ZNF329: variants seen among roughly 807,000 people sequenced by gnomAD.
ZNF329 encodes zinc finger protein 329.
A neutral mutation model predicts 26.6 loss-of-function variants in ZNF329; 15 were observed. The observed-to-expected ratio is 0.56, with a 90% CI of 0.38 to 0.87. The LOEUF (loss-of-function observed/expected upper bound fraction) is 0.87. Ranked by LOEUF, ZNF329 falls within the 40% of genes least tolerant of loss-of-function variation. The pLI, the probability that ZNF329 is intolerant of heterozygous loss-of-function variation, is 0.00. For synonymous variants in ZNF329, 239 were observed against 233.5 expected (o/e 1.02, Z -0.21); for missense variants, 651 against 651.9 (o/e 1.00, Z 0.02).
intron 1 of ZNF329, among the ~76,000 whole-genome samples, chr19:58,150,066 C>T (rs2075415128): frequency 6.6e-6 from 1 of 152,162 alleles, no homozygotes; most frequent in African/African-American, 2.4e-5. Flanking sequence ...TTCAGCTTCT[C>T]TATCTAAACC....
intron 1 of ZNF329, among the ~76,000 whole-genome samples, chr19:58,147,223 A>G (rs1333706100): frequency 6.8e-6 from 1 of 147,052 alleles, no homozygotes; most frequent in Non-Finnish European, 1.5e-5. Flanking sequence ...GGAGGTGAGG[A>G]GCGTCTCTGC....
In ZNF329 at chr19:58,147,737, G is replaced by A. The variant is rs565405659; in HGVS notation, c.-208+3015C>T. On this transcript the variant is annotated intron_variant, in intron 1 of 3. Coordinates refer to ENST00000598312, the MANE Select transcript of ZNF329 (RefSeq NM_024620.4). ...CCACTGGGAAGTGAGGAGACCCTCTGCCCGGCCAGCCGCCCCGTCCGGGAG... is the reference window on the plus strand; with the variant it reads ...CCACTGGGAAGTGAGGAGACCCTCTACCCGGCCAGCCGCCCCGTCCGGGAG... 5.2e-4 allele frequency among the ~76,000 whole-genome samples: 74 copies of A among 142,046 alleles called. 2 individuals carry two copies. The highest frequency in any genetic ancestry group is 9.8e-4 in the Non-Finnish European group (65 of 66,414). 93.2% of individuals were successfully genotyped at this position (142,046 alleles called of 152,430 possible).
chr19:58,150,995 C>T (rs1409230194), upstream of ZNF329, among the ~76,000 whole-genome samples: 1 of 152,242 alleles, frequency 6.6e-6, no homozygotes, highest in African/African-American at 2.4e-5. Context: ...TAGAGCCTTC[C>T]TTTTATTTAC....
chr19:58,154,723 G>T (rs2075515895), upstream of ZNF329: 1 of 152,252 alleles, frequency 6.6e-6, no homozygotes, highest in African/African-American at 2.4e-5. Flanking sequence ...GGCGGAGGTC[G>T]GGGGCCGTCA....
chr19:58,127,793 C>T lies in ZNF329; in HGVS notation c.*85G>A. The T allele has an allele frequency of 2.3e-6, 3 of 1,290,818 alleles. No homozygotes were observed. The highest frequency in any genetic ancestry group is 2.3e-5 in the Admixed American group (1 of 43,854). 80.0% of individuals were successfully genotyped at this position (1,290,818 alleles called of 1,614,324 possible). The stretch of plus-strand genomic sequence containing the variant: ...GGATAGCTTAAAGGATTCTTTTCTA[C>T]TGACCAGAGAGGAGTCAGATCTAAG... On this transcript the variant is annotated 3_prime_UTR_variant, in exon 4 of 4. Transcript: ENST00000598312.
At chr19:58,133,582 A>T (rs1010715500) in intron 3 of ZNF329, among the ~76,000 whole-genome samples, 10 of 152,168 alleles carry the variant, frequency 6.6e-5, no homozygotes, top group African/African-American at 2.4e-4. Flanking sequence ...TCAAAAAAAA[A>T]AAAAATTCAG....
At chr19:58,144,292 A>G (rs919855628) in intron 1 of ZNF329, among the ~76,000 whole-genome samples, 4 of 151,262 alleles carry the variant, frequency 2.6e-5, no homozygotes, top group Admixed American at 1.3e-4. Context: ...CTCTTGCCTC[A>G]GCCTCCTGAG....
At chr19:58,137,809 CAAAAAA>C (rs72295173) in intron 3 of ZNF329, among the ~76,000 whole-genome samples, 6 of 76,260 alleles carry the variant, frequency 7.9e-5, no homozygotes, top group African/African-American at 2.5e-4. Flanking sequence ...ACAAAAAATA[CAAAAAA>C]AAAAAAAAAA....
intron 1 of ZNF329, among the ~76,000 whole-genome samples, 184 bp from the exon 2 acceptor site, chr19:58,143,382 T>A (rs1440886889): frequency 1.3e-5 from 2 of 152,120 alleles, no homozygotes; most frequent in African/African-American, 2.4e-5. Flanking sequence ...GTAAAAGCAA[T>A]GCCTTCCAAG....
chr19:58,144,450 C>T (rs142677013), intron 1 of ZNF329, among the ~76,000 whole-genome samples: 3,366 of 145,842 alleles, frequency 0.023, 67 homozygotes, highest in Non-Finnish European at 0.033. Flanking sequence ...TGCAGTGGCG[C>T]GATCTCGGCT....
intron 3 of ZNF329, among the ~76,000 whole-genome samples, chr19:58,130,599 G>A (rs914273515): frequency 4.6e-5 from 7 of 151,418 alleles, no homozygotes; most frequent in Non-Finnish European, 8.8e-5. Context: ...GCGCGAACCC[G>A]GGAGGCGGAG....
Position 58,126,476 on chromosome 19 carries a change from G to C in ZNF329, c.*1402C>G, listed in dbSNP as rs2074803632. Reference sequence around the variant, plus strand: ...GCCATATTATAAACATTTTCAACATGGCAATAAAACCTTTATAATGGTTCA... The same window carrying C: ...GCCATATTATAAACATTTTCAACATCGCAATAAAACCTTTATAATGGTTCA... On this transcript the variant is annotated 3_prime_UTR_variant, in exon 4 of 4. Coordinates refer to ENST00000598312, the MANE Select transcript of ZNF329 (RefSeq NM_024620.4). 6.6e-6 allele frequency: 1 copy of C among 152,068 alleles called. No homozygotes were observed. The highest frequency in any genetic ancestry group is 1.5e-5 in the Non-Finnish European group (1 of 68,016). The allele number at this position is 152,068 out of a possible 1,614,324, so 9.4% of individuals were successfully genotyped here.
chr19:58,133,777 T>A (rs904565903), intron 3 of ZNF329, among the ~76,000 whole-genome samples: 4 of 151,622 alleles, frequency 2.6e-5, no homozygotes, highest in Non-Finnish European at 5.9e-5. Flanking sequence ...GGTGGGGGGA[T>A]CACTTGAGCC....
intron 1 of ZNF329, among the ~76,000 whole-genome samples, chr19:58,146,169 TG>T (rs2075304896): frequency 6.6e-6 from 1 of 152,114 alleles, no homozygotes; most frequent in Non-Finnish European, 1.5e-5. Flanking sequence ...ACAGGAATTC[TG>T]TATCAATAAT....
At position 58,128,858 on chromosome 19, in the gene ZNF329, A is replaced by T. The variant is rs770398279; in HGVS notation, c.646T>A (p.Ser216Thr). The T allele has an allele frequency of 3.1e-6, 5 of 1,612,420 alleles. No individual in the cohort carries two copies. The highest frequency in any genetic ancestry group is 1.7e-5 in the Admixed American group (1 of 59,490). The change falls in exon 4 of 4, where the codon TCT becomes ACT. Residue 216 changes from serine to threonine, a missense_variant. By Grantham distance (58) the Ser-to-Thr change is moderately conservative. Transcript: ENST00000598312. ...GTTCGGTGATGCAAAACAAGAGAAGAGTTCCGTTTGAAGCATTTGCCACAT... is the reference window on the plus strand; with the variant it reads ...GTTCGGTGATGCAAAACAAGAGAAGTGTTCCGTTTGAAGCATTTGCCACAT... ...TECGKCFKRN[S>T]SLVLHHRTHT...
rs1460192976 is a variant in ZNF329, at chr19:58,127,888, A to G, written c.1616T>C (p.Met539Thr). 2 of 1,587,606 alleles carry G rather than the reference A, an allele frequency of 1.3e-6. No individual in the cohort carries two copies. Among genetic ancestry groups the G allele is most frequent in the Non-Finnish European group, 1.7e-6 (2 of 1,166,222 alleles). The change falls in exon 4 of 4, where the codon ATG becomes ACG. Residue 539 changes from methionine (M) to threonine (T), a missense_variant. Physicochemically the swap from Met to Thr is moderately conservative, Grantham distance 81. Coordinates refer to ENST00000598312, the MANE Select transcript of ZNF329 (RefSeq NM_024620.4). ...TGTGGCCCCCAACCATTATGTTTCCATGGGTTGCTCTCCCAGGTGTGCTCT... is the reference window on the plus strand; with the variant it reads ...TGTGGCCCCCAACCATTATGTTTCCGTGGGTTGCTCTCCCAGGTGTGCTCT... ...HQRAHLGEQP[M>T]ET
At chr19:58,137,800 C>T (rs962670164) in intron 3 of ZNF329, among the ~76,000 whole-genome samples, 2 of 30,894 alleles carry the variant, frequency 6.5e-5, no homozygotes, top group East Asian at 1.2e-3. Flanking sequence ...CCCATCTCTA[C>T]AAAAAATACA....
At chr19:58,148,250 A>G (rs1042283658) in intron 1 of ZNF329, among the ~76,000 whole-genome samples, 11 of 150,834 alleles carry the variant, frequency 7.3e-5, no homozygotes, top group Non-Finnish European at 1.5e-4. Context: ...GGACACAAAC[A>G]CTGCGCGGAA....
chr19:58,129,623 CTT>C, intron 3 of ZNF329, 112 bp from the exon 4 acceptor site: 2 of 982,308 alleles, frequency 2.0e-6, no homozygotes, highest in Non-Finnish European at 2.9e-6. Flanking sequence ...CTTGTTTTCT[CTT>C]TTAAATTCAA....
Sources: allele counts gnomAD v4.1 joint callset (sites outside exome capture counted in the v4.1 genomes callset), GRCh38; gene constraint gnomAD v4.1.1; transcripts MANE v1.5; gene names NCBI Gene and HGNC (gene_info 2026-07-23, HGNC 2026-07-21).